SPATA16: variants seen among roughly 807,000 people sequenced by gnomAD.
SPATA16 encodes spermatogenesis associated 16.
SPATA16 carries 36 observed loss-of-function variants against 63.3 expected under a neutral mutation model. The observed-to-expected ratio is 0.57, with a 90% CI of 0.44 to 0.75. The LOEUF is 0.75. Among genes scored for constraint, SPATA16 ranks in the 30% least tolerant of loss-of-function variants. The pLI is 0.00. For synonymous variants in SPATA16, 203 were observed against 216.7 expected, an observed-to-expected ratio of 0.94 and a Z score of 0.56; for missense variants, 646 against 679.3, an observed-to-expected ratio of 0.95 and a Z score of 0.54.
intron 5 of SPATA16, among the ~76,000 whole-genome samples, chr3:172,972,715 C>T (rs544968784): frequency 1.1e-4 from 16 of 151,964 alleles, no homozygotes; most frequent in Non-Finnish European, 2.2e-4. Flanking sequence ...AATGAGGTGA[C>T]CGAAGTCAAA....
At chr3:173,023,420 A>G (rs879319553) in intron 3 of SPATA16, among the ~76,000 whole-genome samples, 8 of 152,056 alleles carry the variant, frequency 5.3e-5, no homozygotes, top group Admixed American at 2.6e-4. Context: ...ATTTTATAAT[A>G]GATTTTAATT....
chr3:172,906,371 T>G (rs1328049557), intron 10 of SPATA16, among the ~76,000 whole-genome samples: 1 of 152,156 alleles, frequency 6.6e-6, no homozygotes, highest in African/African-American at 2.4e-5. Flanking sequence ...TGGATATAGA[T>G]GGAAAACTAA....
Position 173,049,054 on chromosome 3 carries a change from G to T in SPATA16, c.653C>A (p.Ala218Glu). ...CACGCTTGCTATATCTTCAGCAGGT[G>T]CATCAAATGGTTCTCCCAGAACTGC... ...KGAVLGEPFD[A>E]PAEDIASVAS... The change falls in exon 3 of 11, where the codon GCA (alanine) becomes GAA (glutamate). Residue 218 changes from alanine to glutamate, a missense_variant. Coordinates refer to ENST00000351008, the MANE Select transcript of SPATA16 (RefSeq NM_031955.6). 4.3e-6 allele frequency: 7 copies of T among 1,613,682 alleles called. No individual in the cohort carries two copies. The highest frequency in any genetic ancestry group is 5.9e-6 in the Non-Finnish European group (7 of 1,179,740).
chr3:172,889,357 T>A lies in SPATA16; in HGVS notation c.*213A>T. 1 of 678,066 alleles carries A rather than the reference T, an allele frequency of 1.5e-6. No individual in the cohort carries two copies. Among genetic ancestry groups the A allele is most frequent in the Non-Finnish European group, 2.5e-6 (1 of 405,656 alleles). The allele number at this position is 678,066 out of a possible 1,614,324, so 42.0% of individuals were successfully genotyped here. ...TAAACAAGAAAAATCTGAACAAAAGTCAAGTCAAACTTGCTGAGAATATTT... is the reference window on the plus strand; with the variant it reads ...TAAACAAGAAAAATCTGAACAAAAGACAAGTCAAACTTGCTGAGAATATTT... On this transcript the variant is annotated 3_prime_UTR_variant, in exon 11 of 11. Transcript: ENST00000351008.
chr3:172,993,823 G>A (rs1024037839), intron 4 of SPATA16, among the ~76,000 whole-genome samples: 4 of 152,012 alleles, frequency 2.6e-5, no homozygotes, highest in Non-Finnish European at 4.4e-5. Context: ...CTCTATTCTT[G>A]TCTGGAATGC....
At position 173,030,836 on chromosome 3, in the gene SPATA16, T is replaced by C. The variant is rs185013073; in HGVS notation, c.759-11261A>G. ...AAAGGTAGAAGCAACCCAACGTCCA[T>C]TGATGGATGAATGGATTAACAAAAC... is the stretch of plus-strand genomic sequence containing the variant. On this transcript the variant is annotated intron_variant, in intron 3 of 10. Coordinates refer to ENST00000351008, the MANE Select transcript of SPATA16 (RefSeq NM_031955.6). Among the ~76,000 whole-genome samples, 28 of 152,128 alleles carry C rather than the reference T, an allele frequency of 1.8e-4. No individual in the cohort carries two copies. In the East Asian group the frequency reaches 2.3e-3, roughly 13 times the overall value.
rs979926777 is a variant in SPATA16 at position 172,987,905 on chromosome 3, C to T, written c.849-10853G>A. ...TTGTAGCAAGTCAAGGGGTGTGCTT[C>T]GCATTCCATCTCCTGATCTCTGCTT... On this transcript the variant is annotated intron_variant, in intron 4 of 10. Transcript: ENST00000351008. Among the ~76,000 whole-genome samples the T allele has an allele frequency of 3.3e-5, 5 of 152,234 alleles. No individual in the cohort carries two copies. In the Middle Eastern group the frequency reaches 0.01, roughly 311 times the overall value.
intron 1 of SPATA16, among the ~76,000 whole-genome samples, chr3:173,129,214 T>C (rs1324568825): frequency 6.6e-6 from 1 of 152,216 alleles, no homozygotes; most frequent in East Asian, 1.9e-4. Context: ...TCAGAAATGT[T>C]ATCCATTTTT....
intron 1 of SPATA16, among the ~76,000 whole-genome samples, chr3:173,122,798 C>T (rs1345498420): frequency 1.3e-5 from 2 of 152,250 alleles, no homozygotes; most frequent in South Asian, 4.1e-4. Context: ...TGTTGTTTTA[C>T]TAGACCGTGA....
chr3:172,987,335 C>T (rs1194863645), intron 4 of SPATA16, among the ~76,000 whole-genome samples: 1 of 152,174 alleles, frequency 6.6e-6, no homozygotes, highest in African/African-American at 2.4e-5. Flanking sequence ...TTCCTTCGCA[C>T]TCATTTTTCA....
chr3:173,121,229 T>C (rs1396132341), intron 1 of SPATA16, among the ~76,000 whole-genome samples: 1 of 151,938 alleles, frequency 6.6e-6, no homozygotes, highest in East Asian at 1.9e-4. Flanking sequence ...ATAAAAATTG[T>C]CACACATGTA....
intron 6 of SPATA16, among the ~76,000 whole-genome samples, chr3:172,939,776 C>T (rs1200426180): frequency 6.6e-6 from 1 of 152,170 alleles, no homozygotes; most frequent in Non-Finnish European, 1.5e-5. Flanking sequence ...CCTTTCAACC[C>T]TATCTGAGTA....
At chr3:173,101,486 A>G (rs1737492730) in intron 2 of SPATA16, among the ~76,000 whole-genome samples, 1 of 152,212 alleles carries the variant, frequency 6.6e-6, no homozygotes, top group African/African-American at 2.4e-5. Context: ...CCTCAGTACA[A>G]TATTACAGAA....
intron 3 of SPATA16, among the ~76,000 whole-genome samples, chr3:173,030,176 A>T (rs183597293): frequency 6.8e-6 from 1 of 146,378 alleles, no homozygotes; most frequent in Non-Finnish European, 1.5e-5. Flanking sequence ...ATACTTATGA[A>T]GTTAAATGAA....
chr3:172,892,246 T>A (rs879006891), intron 10 of SPATA16, among the ~76,000 whole-genome samples: 12 of 152,336 alleles, frequency 7.9e-5, no homozygotes, highest in Admixed American at 3.9e-4. Context: ...GGGCACTGGA[T>A]GAGGAGTCAG....
chr3:172,965,695 G>A (rs1271086041), intron 5 of SPATA16, among the ~76,000 whole-genome samples: 4 of 151,672 alleles, frequency 2.6e-5, no homozygotes, highest in East Asian at 1.9e-4. Flanking sequence ...GCAATGGCGC[G>A]ATCTCGGCTC....
intron 4 of SPATA16, among the ~76,000 whole-genome samples, chr3:172,996,211 C>T (rs1020574808): frequency 1.3e-5 from 2 of 151,992 alleles, no homozygotes; most frequent in Middle Eastern, 3.2e-3. Flanking sequence ...TCAGTGGGTA[C>T]GTGATGGTGA....
intron 10 of SPATA16, among the ~76,000 whole-genome samples, chr3:172,912,546 G>C (rs1732391705): frequency 6.6e-6 from 1 of 151,964 alleles, no homozygotes; most frequent in Admixed American, 6.6e-5. Context: ...TGCCACCACT[G>C]AGACAGCAAG....
At chr3:173,080,375 G>A (rs563033318) in intron 2 of SPATA16, among the ~76,000 whole-genome samples, 10 of 152,328 alleles carry the variant, frequency 6.6e-5, no homozygotes, top group East Asian at 3.9e-4. Flanking sequence ...GCTGAACAGA[G>A]TATTTCCCTT....
Sources: allele counts gnomAD v4.1 joint callset (sites outside exome capture counted in the v4.1 genomes callset), GRCh38; gene constraint gnomAD v4.1.1; transcripts MANE v1.5; gene names NCBI Gene and HGNC (gene_info 2026-07-23, HGNC 2026-07-21).